The following JMY variants were observed in gnomAD, a reference collection of about 807,000 sequenced individuals.
The protein encoded by JMY is junction-mediating and -regulatory protein.
A neutral mutation model predicts 103.3 loss-of-function variants in JMY; 46 were observed. The observed-to-expected ratio is 0.45, with a 90% CI of 0.35 to 0.57. The LOEUF (loss-of-function observed/expected upper bound fraction) is 0.57. JMY is among the 20% of genes least tolerant of loss of function. The pLI, the probability that JMY is intolerant of heterozygous loss-of-function variation, is 0.00. For missense variants in JMY, 1,238 were observed against 1,255.2 expected (o/e 0.99, Z 0.21); for synonymous variants, 526 against 489.3 (o/e 1.07, Z -0.99).
In JMY at chr5:79,252,577, T is replaced by C. The variant is rs571463856; in HGVS notation, c.1032+14895T>C. On this transcript the variant is annotated intron_variant, in intron 1 of 10. Transcript: ENST00000396137. ...AAAGTGGGATGTTGAAGTCTCCAGG[T>C]ATTACTGTATTGAGGCCTCTCTCTC... Among the ~76,000 whole-genome samples, 3 of 152,280 alleles carry C rather than the reference T, an allele frequency of 2.0e-5. No individual in the cohort carries two copies. In the South Asian group the frequency reaches 6.2e-4, roughly 32 times the overall value.
Position 79,314,858 on chromosome 5 carries a change from C to T in JMY, c.2659+7C>T. On this transcript the variant is annotated splice_region_variant and intron_variant, in intron 9 of 10. Coordinates refer to ENST00000396137, the MANE Select transcript of JMY (RefSeq NM_152405.5). ...GGTTTGCAGAGGAGGAGAGGTACGT[C>T]AACATATTTTCATGGTCCATCTGTT... 6.5e-7 allele frequency: 1 copy of T among 1,539,732 alleles called. No individual in the cohort carries two copies. Among genetic ancestry groups the T allele is most frequent in the Non-Finnish European group, 8.7e-7 (1 of 1,145,192 alleles).
intron 1 of JMY, among the ~76,000 whole-genome samples, chr5:79,240,548 ATC>A (rs1162651866): frequency 6.6e-6 from 1 of 152,162 alleles, no homozygotes; most frequent in Non-Finnish European, 1.5e-5. Flanking sequence ...ACCTCAGGTG[ATC>A]TAACTGCCTC....
rs184571899 is a variant in JMY at position 79,293,317 on chromosome 5, G to T, written c.1527+2018G>T. On this transcript the variant is annotated intron_variant, in intron 4 of 10. Transcript: ENST00000396137. ...ATATTACCTAAGCAGGCAAAATTCT[G>T]TTTGACTTGAAAGAATTAACTGCTC... Among the ~76,000 whole-genome samples the T allele has an allele frequency of 4.3e-3, 660 of 151,822 alleles. 8 individuals are homozygous for T. The highest frequency in any genetic ancestry group is 0.015 in the African/African-American group (624 of 41,418).
At chr5:79,276,765 C>A (rs1339372793) in intron 1 of JMY, among the ~76,000 whole-genome samples, 1 of 152,052 alleles carries the variant, frequency 6.6e-6, no homozygotes, top group South Asian at 2.1e-4. Flanking sequence ...CGCCACTACA[C>A]CCAGCTAATT....
chr5:79,236,884 C>A lies in JMY; in HGVS notation c.234C>A (p.Ser78Arg). 7.3e-7 allele frequency: 1 copy of A among 1,377,016 alleles called. No homozygotes were observed. Among genetic ancestry groups the A allele is most frequent in the Admixed American group, 3.8e-5 (1 of 26,436 alleles). 85.3% of individuals were successfully genotyped at this position (1,377,016 alleles called of 1,614,324 possible). ...CCGGCGGAGCTGCGTCCGACGGGAG[C>A]CGCGGGCCCGGCAGCCCGGCGGGCA... is the stretch of plus-strand genomic sequence containing the variant. ...AEAGGAASDGSRGPGSPAGRG... is the reference protein window; with the variant it reads ...AEAGGAASDGRRGPGSPAGRG... The change falls in exon 1 of 11, where the codon AGC (serine) becomes AGA (arginine). Residue 78 changes from serine to arginine, a missense_variant. Transcript: ENST00000396137.
At chr5:79,319,395 C>T (rs141931008) in intron 10 of JMY, among the ~76,000 whole-genome samples, 1 of 152,224 alleles carries the variant, frequency 6.6e-6, no homozygotes, top group African/African-American at 2.4e-5. Flanking sequence ...TAAATGTGTG[C>T]TAACCCAGAA....
At chr5:79,279,874 G>A (rs1342357115) in intron 2 of JMY, among the ~76,000 whole-genome samples, 7 of 151,912 alleles carry the variant, frequency 4.6e-5, no homozygotes, top group Admixed American at 1.3e-4. Context: ...TTGAGACAGC[G>A]TCTTTGTCAC....
chr5:79,304,432 G>A (rs1449999249), intron 6 of JMY, among the ~76,000 whole-genome samples: 1 of 152,122 alleles, frequency 6.6e-6, no homozygotes, highest in Admixed American at 6.5e-5. Flanking sequence ...CACAGTTCAT[G>A]TCCTGCCTCA....
At chr5:79,304,590 G>C (rs1258575905) in intron 6 of JMY, among the ~76,000 whole-genome samples, 1 of 152,138 alleles carries the variant, frequency 6.6e-6, no homozygotes, top group Non-Finnish European at 1.5e-5. Flanking sequence ...ATGAAATCCA[G>C]AGAGCTCAGA....
intron 1 of JMY, among the ~76,000 whole-genome samples, chr5:79,245,361 G>A (rs1254268583): frequency 1.3e-5 from 2 of 152,082 alleles, no homozygotes; most frequent in Non-Finnish European, 2.9e-5. Context: ...GTGCTTGGAG[G>A]TAGTTGAAGC....
Position 79,325,664 on chromosome 5 carries a change from A to G in JMY, c.*4062A>G, listed in dbSNP as rs1015375876. 6.6e-6 allele frequency: 1 copy of G among 152,198 alleles called. No homozygotes were observed. The highest frequency in any genetic ancestry group is 1.5e-5 in the Non-Finnish European group (1 of 68,018). The allele number at this position is 152,198 out of a possible 1,614,324, so 9.4% of individuals were successfully genotyped here. ...TCTATTTAGTGCTACTGAACAATTCAGTAGTTATTTCTGAACTTTGCTGCA... is the reference window on the plus strand; with the variant it reads ...TCTATTTAGTGCTACTGAACAATTCGGTAGTTATTTCTGAACTTTGCTGCA... On this transcript the variant is annotated 3_prime_UTR_variant, in exon 11 of 11. Coordinates refer to ENST00000396137, the MANE Select transcript of JMY (RefSeq NM_152405.5).
In JMY at chr5:79,321,853, G is replaced by A. The variant is rs1269460066; in HGVS notation, c.*251G>A. On this transcript the variant is annotated 3_prime_UTR_variant, in exon 11 of 11. Transcript: ENST00000396137. ...AAGAAAAGGCCTTCTGGAGATTTCT[G>A]TTTTTTAAGCACATTCTCCTTCCAT... 1 of 152,134 alleles carries A rather than the reference G, an allele frequency of 6.6e-6. No homozygotes were observed. Among genetic ancestry groups the A allele is most frequent in the Non-Finnish European group, 1.5e-5 (1 of 68,020 alleles). The allele number at this position is 152,134 out of a possible 1,614,324, so 9.4% of individuals were successfully genotyped here.
chr5:79,289,092 G>A (rs1367424037), intron 2 of JMY, among the ~76,000 whole-genome samples: 2 of 151,940 alleles, frequency 1.3e-5, no homozygotes, highest in East Asian at 1.9e-4. Flanking sequence ...AAAATTAGCC[G>A]AGTGTGGTGG....
In JMY at chr5:79,319,522, G is replaced by T. The variant is rs145886649; in HGVS notation, c.*4-2084G>T. ...TTTTTATCTACAAATGGCTAAGAAG[G>T]CTTTACCGCAATTTGTATTTCCCAT... On this transcript the variant is annotated intron_variant, in intron 10 of 10. Transcript: ENST00000396137. 8.6e-3 allele frequency among the ~76,000 whole-genome samples: 1,305 copies of T among 151,882 alleles called. 10 individuals are homozygous for T. Among genetic ancestry groups the T allele is most frequent in the Middle Eastern group, 0.034 (10 of 294 alleles).
At chr5:79,255,149 TGTA>T (rs1380417997) in intron 1 of JMY, among the ~76,000 whole-genome samples, 1 of 113,140 alleles carries the variant, frequency 8.8e-6, no homozygotes, top group African/African-American at 3.8e-5. Context: ...GACAGGGTCT[TGTA>T]GTGGTGCCAT....
chr5:79,316,406 C>T (rs1299496493), intron 10 of JMY, 96 bp downstream of exon 10: 7 of 931,710 alleles, frequency 7.5e-6, no homozygotes, highest in South Asian at 2.0e-5. Flanking sequence ...TGAGGCATAT[C>T]GTTTGTTTTA....
intron 1 of JMY, among the ~76,000 whole-genome samples, chr5:79,271,084 A>G (rs1745770322): frequency 6.6e-6 from 1 of 151,920 alleles, no homozygotes; most frequent in Non-Finnish European, 1.5e-5. Context: ...TAGTTTTTTT[A>G]AGACAGGGCC....
In JMY at chr5:79,254,011, G is replaced by C. The variant is rs565913152; in HGVS notation, c.1032+16329G>C. On this transcript the variant is annotated intron_variant, in intron 1 of 10. Transcript: ENST00000396137. ...CACACAGGCTACAGTGCAGTGGCTT[G>C]ATCTTGGCTCACTGCAACCTCCTCC... Among the ~76,000 whole-genome samples the C allele has an allele frequency of 1.6e-4, 23 of 146,274 alleles. No homozygotes were observed. The South Asian group carries it at 5.0e-3, about 32-fold the overall frequency.
intron 6 of JMY, among the ~76,000 whole-genome samples, chr5:79,302,706 T>C (rs1746774446): frequency 6.6e-6 from 1 of 152,176 alleles, no homozygotes; most frequent in African/African-American, 2.4e-5. Context: ...GCTTTGTCTG[T>C]AGTATAAGTT....
Sources: gnomAD v4.1 joint callset for allele counts (sites outside exome capture counted in the v4.1 genomes callset) on GRCh38, gnomAD v4.1.1 for gene constraint, MANE v1.5 for transcripts, NCBI Gene and HGNC (gene_info 2026-07-23, HGNC 2026-07-21) for gene names.